COL4A6: variants seen among roughly 807,000 people sequenced by gnomAD.
COL4A6 encodes collagen type IV alpha 6 chain.
A neutral mutation model predicts 126.7 loss-of-function variants in COL4A6; 59 were observed. That is an observed-to-expected ratio of 0.47 (90% CI 0.38 to 0.58). COL4A6 has a LOEUF of 0.58. Among genes scored for constraint, COL4A6 ranks in the 20% least tolerant of loss-of-function variants. The pLI is 0.00. For synonymous variants in COL4A6, 547 were observed against 496.6 expected (o/e 1.10, Z -1.35); for missense variants, 1,285 against 1,337.3 (o/e 0.96, Z 0.61).
chrX:108,383,507 T>C, intron 2 of COL4A6: 1 of 428,997 alleles, frequency 2.3e-6, no homozygotes, highest in Non-Finnish European at 4.2e-6. Context: ...TTGGTGGCCC[T>C]GTTTTGGGTG....
intron 13 of COL4A6, among the ~76,000 whole-genome samples, chrX:108,196,878 T>C (rs943528378): frequency 3.6e-5 from 4 of 112,292 alleles, no homozygotes; most frequent in Middle Eastern, 4.6e-3. Context: ...CCTTGTTGAT[T>C]TTACAGATGA....
At chrX:108,252,351 C>T (rs2036871201) in intron 3 of COL4A6, among the ~76,000 whole-genome samples, 1 of 111,706 alleles carries the variant, frequency 9.0e-6, no homozygotes, top group African/African-American at 3.2e-5. Flanking sequence ...CTGTTGTGTA[C>T]ATATACCACA....
At chrX:108,285,264 A>G (rs1429238750) in intron 3 of COL4A6, among the ~76,000 whole-genome samples, 5 of 111,596 alleles carry the variant, frequency 4.5e-5, no homozygotes, top group Non-Finnish European at 7.5e-5. Context: ...CTGGAGTCCA[A>G]ATCAGCACTG....
intron 2 of COL4A6, among the ~76,000 whole-genome samples, chrX:108,338,918 A>G (rs753551562): frequency 8.1e-5 from 9 of 111,664 alleles, no homozygotes; most frequent in Middle Eastern, 4.6e-3. Context: ...GTCAAGCTGA[A>G]TTTTACAAGA....
At chrX:108,433,386 G>T (rs1304695845) in intron 2 of COL4A6, among the ~76,000 whole-genome samples, 1 of 111,382 alleles carries the variant, frequency 9.0e-6, no homozygotes, top group East Asian at 2.8e-4. Context: ...AGCTATAAAG[G>T]ACTTGATAGT....
intron 2 of COL4A6, among the ~76,000 whole-genome samples, chrX:108,335,958 G>C (rs1347570990): frequency 9.0e-6 from 1 of 111,379 alleles, no homozygotes; most frequent in Non-Finnish European, 1.9e-5. Flanking sequence ...GGAAAACTGA[G>C]GCTGACAGGT....
At chrX:108,322,672 T>C (rs2039058882) in intron 2 of COL4A6, among the ~76,000 whole-genome samples, 1 of 112,014 alleles carries the variant, frequency 8.9e-6, no homozygotes, top group African/African-American at 3.2e-5. Context: ...CAGAAGCCTC[T>C]TTTTCCTCTG....
intron 2 of COL4A6, among the ~76,000 whole-genome samples, chrX:108,408,747 A>T (rs1039152338): frequency 1.8e-5 from 2 of 111,545 alleles, no homozygotes; most frequent in African/African-American, 3.3e-5. Flanking sequence ...GGATCACCTG[A>T]AGTTGGGAGT....
At chrX:108,408,286 G>T (rs1264560058) in intron 2 of COL4A6, among the ~76,000 whole-genome samples, 1 of 110,149 alleles carries the variant, frequency 9.1e-6, no homozygotes. Context: ...CAAGGCCACT[G>T]CACTTCAGCC....
chrX:108,355,455 C>T (rs1231398141), intron 2 of COL4A6, among the ~76,000 whole-genome samples: 1 of 112,716 alleles, frequency 8.9e-6, no homozygotes, highest in African/African-American at 3.2e-5. Flanking sequence ...TGCATTTCAA[C>T]TGAACATTGC....
chrX:108,237,177 T>C (rs1403684640), intron 3 of COL4A6, among the ~76,000 whole-genome samples: 1 of 111,789 alleles, frequency 8.9e-6, no homozygotes, highest in African/African-American at 3.3e-5. Flanking sequence ...TATCTCTGTG[T>C]CCAGTCAAAC....
At chrX:108,338,529 T>C (rs1466110245) in intron 2 of COL4A6, among the ~76,000 whole-genome samples, 1 of 112,153 alleles carries the variant, frequency 8.9e-6, no homozygotes, top group Admixed American at 9.4e-5. Flanking sequence ...TAGAAAAGCA[T>C]CAGATTTCTG....
chrX:108,221,724 C>T (rs924513623), intron 3 of COL4A6, among the ~76,000 whole-genome samples: 3 of 112,632 alleles, frequency 2.7e-5, no homozygotes, highest in African/African-American at 3.2e-5. Flanking sequence ...AAGAACAGAG[C>T]GCTGGAGAGC....
At chrX:108,356,567 T>C (rs1245464819) in intron 2 of COL4A6, among the ~76,000 whole-genome samples, 13 of 110,744 alleles carry the variant, frequency 1.2e-4, no homozygotes, top group Admixed American at 1.2e-3. Context: ...ATTTGAAACA[T>C]GGAATTTTGA....
In COL4A6 at chrX:108,288,726, T is replaced by TC. The variant is rs1286183671; in HGVS notation, c.144+22021dup. On this transcript the variant is annotated intron_variant, in intron 3 of 44. Coordinates refer to ENST00000334504, the MANE Select transcript of COL4A6 (RefSeq NM_033641.4). ...GCAGTGAACCAAGTAATTTATACTT[T>TC]CAGTGTAAAGAAGCTTCTCCTGGAA... Among the ~76,000 whole-genome samples, 4 of 111,377 alleles carry TC rather than the reference T, an allele frequency of 3.6e-5. No individual in the cohort carries two copies. The South Asian group carries it at 1.5e-3, about 43-fold the overall frequency.
At chrX:108,321,836 G>A (rs1314631890) in intron 2 of COL4A6, among the ~76,000 whole-genome samples, 1 of 111,125 alleles carries the variant, frequency 9.0e-6, no homozygotes, top group Non-Finnish European at 1.9e-5. Flanking sequence ...CATCTGTTAT[G>A]TGCCTAATTA....
chrX:108,219,756 T>C lies in COL4A6; in HGVS notation c.280-14A>G, dbSNP rs2035961457. On this transcript the variant is annotated splice_polypyrimidine_tract_variant and intron_variant, in intron 4 of 44. Transcript: ENST00000334504. ...TCCCATGGGACCCTAAAAAAAGGAG[T>C]AGGGAGAGGAATGTAAGACACAATC... The C allele has an allele frequency of 1.7e-6, 2 of 1,192,943 alleles. No homozygotes were observed. Among genetic ancestry groups the C allele is most frequent in the East Asian group, 3.0e-5 (1 of 33,675 alleles).
rs1277778801 is a variant in COL4A6, at chrX:108,438,310, G to C, written c.-114C>G. On this transcript the variant is annotated 5_prime_UTR_variant, in exon 1 of 45. Coordinates refer to ENST00000334504, the MANE Select transcript of COL4A6 (RefSeq NM_033641.4). ...CTGTTTCCTTACTCAGAACAGAGTA[G>C]GTGGACGAAGTGGCCCAGTTTGGAA... The C allele has an allele frequency of 3.6e-6, 4 of 1,097,024 alleles. No homozygotes were observed. In the African/African-American group the frequency reaches 7.5e-5, roughly 21 times the overall value. The allele number at this position is 1,097,024 out of a possible 1,213,427, so 90.4% of individuals were successfully genotyped here.
intron 3 of COL4A6, among the ~76,000 whole-genome samples, chrX:108,270,499 C>T (rs778905087): frequency 2.7e-5 from 3 of 112,398 alleles, no homozygotes; most frequent in Admixed American, 9.4e-5. Context: ...AGCAGAGCCA[C>T]TCCCAGCCTA....
Sources: gnomAD v4.1 joint callset for allele counts (sites outside exome capture counted in the v4.1 genomes callset) on GRCh38, gnomAD v4.1.1 for gene constraint, MANE v1.5 for transcripts, NCBI Gene and HGNC (gene_info 2026-07-23, HGNC 2026-07-21) for gene names.